The following GLIS3 variants were observed in gnomAD, a reference collection of about 807,000 sequenced individuals.
GLIS3 encodes the protein zinc finger protein GLIS3.
In GLIS3, 53 loss-of-function variants were observed where a neutral mutation model predicts 78.6. The observed-to-expected ratio is 0.67, with a 90% CI of 0.54 to 0.85. The LOEUF (loss-of-function observed/expected upper bound fraction) is 0.85, where lower values mean the gene tolerates loss of function less well. Among genes scored for constraint, GLIS3 ranks in the 40% least tolerant of loss-of-function variants. The pLI is 0.00. For missense variants in GLIS3, 1,703 were observed against 1,231.1 expected, an observed-to-expected ratio of 1.38 and a Z score of -5.74; for synonymous variants, 684 against 509.9, an observed-to-expected ratio of 1.34 and a Z score of -4.60.
chr9:3,991,714 G>A (rs1408250440), intron 4 of GLIS3, among the ~76,000 whole-genome samples: 9 of 108,256 alleles, frequency 8.3e-5, no homozygotes, highest in South Asian at 7.0e-4. Flanking sequence ...TTTTTGAGAC[G>A]GAGTCTCACT....
At chr9:3,950,004 TC>T (rs1339466272) in intron 4 of GLIS3, among the ~76,000 whole-genome samples, 1 of 152,164 alleles carries the variant, frequency 6.6e-6, no homozygotes, top group Non-Finnish European at 1.5e-5. Flanking sequence ...AAGTACATAT[TC>T]CAACACTTAA....
intron 8 of GLIS3, among the ~76,000 whole-genome samples, chr9:3,867,912 T>C (rs1820704833): frequency 6.6e-6 from 1 of 152,208 alleles, no homozygotes; most frequent in Non-Finnish European, 1.5e-5. Context: ...GCTTGACTTC[T>C]GCATAAAAAT....
At chr9:3,937,685 A>G (rs1825973016) in intron 4 of GLIS3, among the ~76,000 whole-genome samples, 1 of 152,242 alleles carries the variant, frequency 6.6e-6, no homozygotes, top group Non-Finnish European at 1.5e-5. Flanking sequence ...TGTGTCCACT[A>G]GATCAATATG....
chr9:4,250,510 C>T (rs1824266975), intron 2 of GLIS3, among the ~76,000 whole-genome samples: 3 of 151,350 alleles, frequency 2.0e-5, no homozygotes, highest in Admixed American at 2.0e-4. Flanking sequence ...TCTCTCTTTT[C>T]TTATTAGTTT....
the GLIS3 span, among the ~76,000 whole-genome samples, chr9:4,456,683 C>G: frequency 6.6e-6 from 1 of 152,178 alleles, no homozygotes; most frequent in African/African-American, 2.4e-5. Context: ...GCAACTCTTC[C>G]TTTCATTTGA....
At chr9:4,459,386 C>A in the GLIS3 span, among the ~76,000 whole-genome samples, 1 of 152,178 alleles carries the variant, frequency 6.6e-6, no homozygotes, top group Non-Finnish European at 1.5e-5. Flanking sequence ...AATCTGGGAA[C>A]AAACCTGTAA....
chr9:4,452,655 C>T, the GLIS3 span, among the ~76,000 whole-genome samples: 1 of 152,048 alleles, frequency 6.6e-6, no homozygotes, highest in Non-Finnish European at 1.5e-5. Context: ...AACCACTGCT[C>T]AAGGAAATAA....
chr9:4,084,475 G>T (rs4741888), intron 4 of GLIS3, among the ~76,000 whole-genome samples: 1 of 152,146 alleles, frequency 6.6e-6, no homozygotes, highest in Non-Finnish European at 1.5e-5. Context: ...AGAAGAAACA[G>T]CCACGGGAAA....
At chr9:4,465,894 T>A in the GLIS3 span, among the ~76,000 whole-genome samples, 2 of 152,220 alleles carry the variant, frequency 1.3e-5, no homozygotes, top group African/African-American at 4.8e-5. Context: ...AAGCATTAAG[T>A]GCATTTGAAG....
chr9:4,461,399 G>A, the GLIS3 span, among the ~76,000 whole-genome samples: 4 of 151,982 alleles, frequency 2.6e-5, no homozygotes, highest in East Asian at 5.8e-4. Flanking sequence ...CTTAAAATCA[G>A]AGTAAAATGT....
intron 2 of GLIS3, among the ~76,000 whole-genome samples, chr9:4,335,530 G>GA (rs1404469697): frequency 6.6e-6 from 1 of 152,190 alleles, no homozygotes; most frequent in East Asian, 1.9e-4. Context: ...CTTCAAGTGT[G>GA]AAAAACAGGC....
intron 4 of GLIS3, among the ~76,000 whole-genome samples, chr9:4,306,298 T>C (rs1488467513): frequency 1.3e-5 from 2 of 150,390 alleles, no homozygotes; most frequent in African/African-American, 2.4e-5. Context: ...TGTGGGTTTT[T>C]CAGGGTAAAG....
chr9:3,908,713 T>TTTG (rs1554644802), intron 6 of GLIS3, among the ~76,000 whole-genome samples: 9 of 122,850 alleles, frequency 7.3e-5, no homozygotes, highest in Non-Finnish European at 1.6e-4. Context: ...TTTGTTTTTT[T>TTTG]TTTTTTTTTT....
At chr9:4,450,737 C>G in the GLIS3 span, among the ~76,000 whole-genome samples, 2 of 152,140 alleles carry the variant, frequency 1.3e-5, no homozygotes, top group African/African-American at 2.4e-5. Flanking sequence ...AATTTCATAT[C>G]CAGCCAAACT....
chr9:4,137,354 G>C (rs1447072501), intron 2 of GLIS3, among the ~76,000 whole-genome samples: 1 of 152,114 alleles, frequency 6.6e-6, no homozygotes, highest in Non-Finnish European at 1.5e-5. Flanking sequence ...ATCCCACAAA[G>C]AACATAACTT....
At chr9:4,411,718 C>T in the GLIS3 span, among the ~76,000 whole-genome samples, 5 of 152,230 alleles carry the variant, frequency 3.3e-5, no homozygotes, top group African/African-American at 1.2e-4. Flanking sequence ...ACTCACAGCT[C>T]ATGCTCCCAA....
the GLIS3 span, among the ~76,000 whole-genome samples, chr9:4,437,771 T>G: frequency 1.3e-5 from 2 of 152,172 alleles, no homozygotes; most frequent in Non-Finnish European, 2.9e-5. Flanking sequence ...TCAGCCTACT[T>G]GTTGTGAAGA....
intron 2 of GLIS3, among the ~76,000 whole-genome samples, chr9:4,315,239 G>A (rs78080295): frequency 0.052 from 7,883 of 152,146 alleles, 703 homozygotes; most frequent in African/African-American, 0.18. Context: ...TCGTCATCTT[G>A]TCAGTCTCTA....
chr9:4,274,719 TTCTGAGTG>T (rs1826829172), intron 2 of GLIS3, among the ~76,000 whole-genome samples: 1 of 152,184 alleles, frequency 6.6e-6, no homozygotes, highest in African/African-American at 2.4e-5. Context: ...AGGGCACCCC[TTCTGAGTG>T]CAGGACCCTG....
Sources: allele counts gnomAD v4.1 joint callset (sites outside exome capture counted in the v4.1 genomes callset), GRCh38; gene constraint gnomAD v4.1.1; transcripts MANE v1.5; gene names NCBI Gene and HGNC (gene_info 2026-07-23, HGNC 2026-07-21).